Variants in PKHD1 observed in about 807,000 individuals in gnomAD.
PKHD1 encodes fibrocystin.
PKHD1 carries 291 observed loss-of-function variants against 412.0 expected under a neutral mutation model. That is an observed-to-expected ratio of 0.71 (90% CI 0.64 to 0.78). The LOEUF is 0.78. Ranked by LOEUF, PKHD1 falls within the 30% of genes least tolerant of loss-of-function variation. The pLI, the probability that PKHD1 is intolerant of heterozygous loss-of-function variation, is 0.00. For missense variants in PKHD1, 4,825 were observed against 4,950.7 expected (o/e 0.97, Z 0.76); for synonymous variants, 1,777 against 1,821.5 (o/e 0.98, Z 0.62).
At chr6:51,997,428 A>G (rs987530444) in intron 35 of PKHD1, among the ~76,000 whole-genome samples, 1 of 152,242 alleles carries the variant, frequency 6.6e-6, no homozygotes, top group Non-Finnish European at 1.5e-5. Flanking sequence ...TTAAGTCTTC[A>G]TAACAAATTT....
At chr6:51,715,442 A>G (rs1781144777) in intron 60 of PKHD1, among the ~76,000 whole-genome samples, 1 of 152,196 alleles carries the variant, frequency 6.6e-6, no homozygotes, top group Non-Finnish European at 1.5e-5. Context: ...ATTTTGATTT[A>G]TCACTCATGT....
chr6:51,705,389 GGTGA>G (rs1487804537), intron 60 of PKHD1, among the ~76,000 whole-genome samples: 39 of 152,162 alleles, frequency 2.6e-4, no homozygotes, highest in Admixed American at 1.4e-3. Context: ...GTGAGGAGAG[GGTGA>G]GTAAGAGGTA....
chr6:52,050,843 A>G (rs1806721775), intron 21 of PKHD1, among the ~76,000 whole-genome samples: 1 of 152,198 alleles, frequency 6.6e-6, no homozygotes, highest in Non-Finnish European at 1.5e-5. Context: ...CAGCTAATCC[A>G]CACACACTCC....
At chr6:51,726,729 G>GA (rs1449936386) in intron 60 of PKHD1, among the ~76,000 whole-genome samples, 2 of 152,148 alleles carry the variant, frequency 1.3e-5, no homozygotes, top group Non-Finnish European at 2.9e-5. Flanking sequence ...TCTTGAAAGA[G>GA]AAAAAATCTT....
chr6:52,023,316 T>C (rs1452628256), intron 32 of PKHD1, among the ~76,000 whole-genome samples: 1 of 152,224 alleles, frequency 6.6e-6, no homozygotes, highest in Non-Finnish European at 1.5e-5. Flanking sequence ...GAGTTTCTTA[T>C]GGCTCCTTCC....
In PKHD1 at chr6:51,870,779, A is replaced by G. The variant is rs556590287; in HGVS notation, c.7351-140T>C. On this transcript the variant is annotated intron_variant, in intron 46 of 66. Transcript: ENST00000371117. The stretch of plus-strand genomic sequence containing the variant: ...AAAATATTTGCCAATCACACATATG[A>G]CAAAGGACCTATATCCAGAATATAG... 1.7e-5 allele frequency: 11 copies of G among 662,232 alleles called. No individual in the cohort carries two copies. In the East Asian group the frequency reaches 3.0e-4, roughly 18 times the overall value. The allele number at this position is 662,232 out of a possible 1,614,324, so 41.0% of individuals were successfully genotyped here. A position where few individuals can be genotyped will look rare whatever the true frequency, so the allele number is the denominator to read the frequency against.
chr6:51,712,369 A>T (rs1312613710), intron 60 of PKHD1, among the ~76,000 whole-genome samples: 1 of 152,200 alleles, frequency 6.6e-6, no homozygotes, highest in Non-Finnish European at 1.5e-5. Context: ...AGAAGTACTC[A>T]AGGGGGTCAG....
At chr6:52,008,363 TAAC>T (rs1430947884) in intron 35 of PKHD1, among the ~76,000 whole-genome samples, 1 of 152,192 alleles carries the variant, frequency 6.6e-6, no homozygotes, top group Non-Finnish European at 1.5e-5. Context: ...TTTTGAAACT[TAAC>T]TACTTCCACA....
chr6:51,798,327 G>A (rs984719490), intron 52 of PKHD1, among the ~76,000 whole-genome samples: 11 of 151,652 alleles, frequency 7.3e-5, no homozygotes, highest in African/African-American at 1.5e-4. Context: ...GCAGTGAACC[G>A]AGATCACACC....
chr6:51,968,978 T>C (rs1793256269), intron 35 of PKHD1, among the ~76,000 whole-genome samples: 1 of 152,200 alleles, frequency 6.6e-6, no homozygotes, highest in African/African-American at 2.4e-5. Flanking sequence ...TGATGGGCTA[T>C]CACTCCCATG....
rs1782990176 is a variant in PKHD1, at chr6:51,911,847, C to T, written c.6442G>A (p.Glu2148Lys). 6.2e-7 allele frequency: 1 copy of T among 1,612,682 alleles called. No homozygotes were observed. Among genetic ancestry groups the T allele is most frequent in the Admixed American group, 1.7e-5 (1 of 59,928 alleles). Residue 2148 changes from glutamate (E) to lysine (K), a missense_variant, in exon 39 of 67, where the codon GAG becomes AAG. By Grantham distance (56) the Glu-to-Lys change is moderately conservative. Coordinates refer to ENST00000371117, the MANE Select transcript of PKHD1 (RefSeq NM_138694.4). ...CATGAAACAAGCAGCTTCTCCCTCT[C>T]ATTAGTGAGATTTCCTTGTATGGTA... ...SITIQGNLTN[E>K]REKLLVSCQE...
intron 40 of PKHD1, among the ~76,000 whole-genome samples, chr6:51,908,751 C>T (rs1782515843): frequency 6.6e-6 from 1 of 152,146 alleles, no homozygotes; most frequent in African/African-American, 2.4e-5. Context: ...TGTAACTGCT[C>T]CTCATTTCCA....
At chr6:51,681,956 C>T (rs1200245108) in intron 60 of PKHD1, among the ~76,000 whole-genome samples, 1 of 152,070 alleles carries the variant, frequency 6.6e-6, no homozygotes, top group African/African-American at 2.4e-5. Flanking sequence ...GAGTTTGTCT[C>T]TTGAGACAGT....
chr6:52,063,775 C>T (rs776508483), intron 13 of PKHD1, among the ~76,000 whole-genome samples: 5 of 152,188 alleles, frequency 3.3e-5, no homozygotes, highest in African/African-American at 4.8e-5. Context: ...ACGTGTCCCC[C>T]GAGGGGCAAC....
intron 36 of PKHD1, among the ~76,000 whole-genome samples, chr6:51,953,936 G>A (rs954289226): frequency 3.3e-5 from 5 of 151,930 alleles, no homozygotes; most frequent in Non-Finnish European, 5.9e-5. Flanking sequence ...TCCCTCCCTC[G>A]CAATAGAAGG....
In PKHD1 at chr6:52,087,470, G is replaced by A. The variant is rs1812950444; in HGVS notation, c.-121C>T. 6.6e-6 allele frequency: 1 copy of A among 152,148 alleles called. No homozygotes were observed. The highest frequency in any genetic ancestry group is 1.5e-5 in the Non-Finnish European group (1 of 68,026). The allele number at this position is 152,148 out of a possible 1,614,324, so 9.4% of individuals were successfully genotyped here. ...GTTTCTGTCTCCTTGTGACTCAAGGGAGAAATGATCCTTTCTTTCTAAGTG... is the reference window on the plus strand; with the variant it reads ...GTTTCTGTCTCCTTGTGACTCAAGGAAGAAATGATCCTTTCTTTCTAAGTG... On this transcript the variant is annotated 5_prime_UTR_variant, in exon 1 of 67. Coordinates refer to ENST00000371117, the MANE Select transcript of PKHD1 (RefSeq NM_138694.4).
In PKHD1 at chr6:51,763,551, A is replaced by G. The variant is rs570144971; in HGVS notation, c.8643-8613T>C. On this transcript the variant is annotated intron_variant, in intron 55 of 66. Transcript: ENST00000371117. ...CTTGTTAGAAATGCTTACTTCACAAATCCTTTTGAATATCAGAAAAGCACT... is the reference window on the plus strand; with the variant it reads ...CTTGTTAGAAATGCTTACTTCACAAGTCCTTTTGAATATCAGAAAAGCACT... Among the ~76,000 whole-genome samples the G allele has an allele frequency of 1.6e-3, 237 of 152,216 alleles. 2 individuals carry two copies. Among genetic ancestry groups the G allele is most frequent in the African/African-American group, 5.4e-3 (224 of 41,546 alleles).
At chr6:51,805,848 A>G (rs1413592681) in intron 52 of PKHD1, among the ~76,000 whole-genome samples, 1 of 152,168 alleles carries the variant, frequency 6.6e-6, no homozygotes, top group East Asian at 1.9e-4. Flanking sequence ...ATAGTATTCC[A>G]TGGTGTATAT....
At chr6:51,833,271 C>T (rs1311806626) in intron 51 of PKHD1, among the ~76,000 whole-genome samples, 1 of 152,130 alleles carries the variant, frequency 6.6e-6, no homozygotes, top group African/African-American at 2.4e-5. Flanking sequence ...CACCTTTACT[C>T]TTGCTTATAA....
Sources: allele counts gnomAD v4.1 joint callset (sites outside exome capture counted in the v4.1 genomes callset), GRCh38; gene constraint gnomAD v4.1.1; transcripts MANE v1.5; gene names NCBI Gene and HGNC (gene_info 2026-07-23, HGNC 2026-07-21).